ITPKB: variants seen among roughly 807,000 people sequenced by gnomAD.
ITPKB encodes the protein inositol-trisphosphate 3-kinase B.
ITPKB carries 13 observed loss-of-function variants against 69.4 expected under a neutral mutation model. That is an observed-to-expected ratio of 0.19 (90% confidence interval 0.12 to 0.30). The LOEUF (loss-of-function observed/expected upper bound fraction) is 0.30, where lower values mean the gene tolerates loss of function less well. Ranked by LOEUF, ITPKB falls within the 10% of genes least tolerant of loss-of-function variation. The pLI is 1.00. For missense variants in ITPKB, 1,240 were observed against 1,250.5 expected, an observed-to-expected ratio of 0.99 and a Z score of 0.13; for synonymous variants, 584 against 513.7, an observed-to-expected ratio of 1.14 and a Z score of -1.85.
intron 2 of ITPKB, among the ~76,000 whole-genome samples, chr1:226,683,216 ACACC>A (rs1656127018): frequency 2.0e-5 from 3 of 152,186 alleles, no homozygotes; most frequent in Non-Finnish European, 4.4e-5. Context: ...CAACTCTGCA[ACACC>A]TCCCCCTTCG....
intron 4 of ITPKB, among the ~76,000 whole-genome samples, chr1:226,645,867 G>C (rs1354513376): frequency 6.6e-6 from 1 of 152,226 alleles, no homozygotes; most frequent in Non-Finnish European, 1.5e-5. Flanking sequence ...AGTGGGGCCT[G>C]TGCTTCTCCA....
At chr1:226,667,827 TGTG>T (rs1295863983) in intron 2 of ITPKB, among the ~76,000 whole-genome samples, 1 of 32,236 alleles carries the variant, frequency 3.1e-5, no homozygotes, top group African/African-American at 1.1e-4. Context: ...ATGAGGAAAA[TGTG>T]TGTGTGTGTG....
intron 2 of ITPKB, among the ~76,000 whole-genome samples, chr1:226,714,438 C>G (rs559817099): frequency 3.9e-5 from 6 of 152,268 alleles, no homozygotes; most frequent in African/African-American, 1.2e-4. Context: ...TAACACAACA[C>G]CTTTGATTTG....
In ITPKB at chr1:226,632,198, A is replaced by G. The variant is rs1668742385; in HGVS notation, c.*2473T>C. On this transcript the variant is annotated 3_prime_UTR_variant, in exon 8 of 8. Coordinates refer to ENST00000429204, the MANE Select transcript of ITPKB (RefSeq NM_002221.4). Reference sequence around the variant, plus strand: ...TTCCGAGAATGCTAAGCAGTGCTGAATGCCAGGAACTCGTGGGGCCCCCCG... The same window carrying G: ...TTCCGAGAATGCTAAGCAGTGCTGAGTGCCAGGAACTCGTGGGGCCCCCCG... The G allele has an allele frequency of 6.6e-6, 1 of 152,654 alleles. No individual in the cohort carries two copies. Among genetic ancestry groups the G allele is most frequent in the Non-Finnish European group, 1.5e-5 (1 of 68,066 alleles). The allele number at this position is 152,654 out of a possible 1,614,324, so 9.5% of individuals were successfully genotyped here.
chr1:226,718,629 CAGAA>C (rs1008611352), intron 2 of ITPKB, among the ~76,000 whole-genome samples: 1 of 152,094 alleles, frequency 6.6e-6, no homozygotes, highest in Non-Finnish European at 1.5e-5. Context: ...AAACAAGACA[CAGAA>C]AGAACCTACA....
At chr1:226,686,298 T>C (rs1422710154) in intron 2 of ITPKB, among the ~76,000 whole-genome samples, 2 of 152,230 alleles carry the variant, frequency 1.3e-5, no homozygotes, top group Non-Finnish European at 2.9e-5. Context: ...CCAGTGGGCC[T>C]AATTTCATTC....
intron 2 of ITPKB, among the ~76,000 whole-genome samples, chr1:226,665,328 C>A (rs1177728503): frequency 6.6e-6 from 1 of 152,232 alleles, no homozygotes; most frequent in Non-Finnish European, 1.5e-5. Context: ...AAGACCTCCA[C>A]TGTAGTCTAC....
In ITPKB at chr1:226,736,374, C is replaced by G; in HGVS notation, c.1085G>C (p.Gly362Ala). 2 of 1,612,504 alleles carry G rather than the reference C, an allele frequency of 1.2e-6. No homozygotes were observed. The highest frequency in any genetic ancestry group is 1.7e-6 in the Non-Finnish European group (2 of 1,179,904). The stretch of plus-strand genomic sequence containing the variant: ...CCCAGGGGGTTCTCCATCGCGGGGC[C>G]CGCCCCTTTCTGGGGCTGGGCTTGT... ...SETSPAPERG[G>A]PRDGEPPGKM... is the part of the protein sequence containing the mutation. Residue 362 changes from glycine (G) to alanine (A), a missense_variant, in exon 2 of 8, where the codon GGG becomes GCG. Gly to Ala is a moderately conservative substitution (Grantham distance 60, BLOSUM62 0). Transcript: ENST00000429204.
At chr1:226,725,792 G>A (rs1412259526) in intron 2 of ITPKB, among the ~76,000 whole-genome samples, 1 of 152,218 alleles carries the variant, frequency 6.6e-6, no homozygotes, top group African/African-American at 2.4e-5. Flanking sequence ...GGTCACACAG[G>A]CAAGAGGAGA....
rs971386928 is a variant in ITPKB at position 226,665,248 on chromosome 1, C to T, written c.1933-16477G>A. On this transcript the variant is annotated intron_variant, in intron 2 of 7. Transcript: ENST00000429204. ...GTCCCGCTGACACAGGTCACCTGCC[C>T]GGCCCCTGGTGGCATTTGAGTTTGA... 5.3e-5 allele frequency among the ~76,000 whole-genome samples: 8 copies of T among 152,264 alleles called. No homozygotes were observed. In the South Asian group the frequency reaches 8.3e-4, roughly 16 times the overall value.
intron 2 of ITPKB, among the ~76,000 whole-genome samples, chr1:226,680,516 G>C (rs1177902447): frequency 6.6e-6 from 1 of 152,210 alleles, no homozygotes; most frequent in Non-Finnish European, 1.5e-5. Flanking sequence ...GATGTGAAGA[G>C]TCGGCTCTAA....
At chr1:226,693,013 T>A (rs1656393633) in intron 2 of ITPKB, among the ~76,000 whole-genome samples, 1 of 152,224 alleles carries the variant, frequency 6.6e-6, no homozygotes. Context: ...GATGAGCTGC[T>A]TCAAGTGTGA....
intron 2 of ITPKB, among the ~76,000 whole-genome samples, chr1:226,697,694 G>A (rs1656526393): frequency 6.6e-6 from 1 of 152,226 alleles, no homozygotes; most frequent in Admixed American, 6.5e-5. Context: ...AGCTAGAGAA[G>A]GGAGGCGATT....
At chr1:226,710,851 G>A (rs1022854180) in intron 2 of ITPKB, among the ~76,000 whole-genome samples, 1 of 152,214 alleles carries the variant, frequency 6.6e-6, no homozygotes, top group Non-Finnish European at 1.5e-5. Context: ...TGCCAGGGGT[G>A]GGGAGAAGGA....
At chr1:226,690,530 TC>T in intron 2 of ITPKB, among the ~76,000 whole-genome samples, 5 of 146,496 alleles carry the variant, frequency 3.4e-5, no homozygotes, top group Non-Finnish European at 1.5e-5. Context: ...AACTCACTCC[TC>T]CTACGTCAAG....
In ITPKB at chr1:226,737,201, G is replaced by A; in HGVS notation, c.258C>T (p.Ser86=). The stretch of plus-strand genomic sequence containing the variant: ...TGCCGCTGCTGCCGCTGCCACTGCC[G>A]CTGCTACTATTCAGCCTGCGCCGGC... ...RSGRRRLNSS[S]GSGSGSSGSS... is the part of the protein sequence containing the mutation. Residue 86 remains serine (S), a synonymous_variant, in exon 2 of 8, where the codon AGC becomes AGT. Transcript: ENST00000429204. 1 of 1,585,742 alleles carries A rather than the reference G, an allele frequency of 6.3e-7. No individual in the cohort carries two copies. Among genetic ancestry groups the A allele is most frequent in the Non-Finnish European group, 8.5e-7 (1 of 1,173,828 alleles).
chr1:226,711,356 GT>G lies in ITPKB; in HGVS notation c.1932+24170del, dbSNP rs559064804. ...CCAAGGTAAATAATTCCTTGCAGTG[GT>G]TCCTAACCAGATGCAGTACCTGCCT... On this transcript the variant is annotated intron_variant, in intron 2 of 7. Coordinates refer to ENST00000429204, the MANE Select transcript of ITPKB (RefSeq NM_002221.4). Among the ~76,000 whole-genome samples, 97 of 151,276 alleles carry G rather than the reference GT, an allele frequency of 6.4e-4. 2 individuals are homozygous for G. The East Asian group carries it at 0.016, about 25-fold the overall frequency.
intron 2 of ITPKB, among the ~76,000 whole-genome samples, chr1:226,654,664 G>A (rs1669255412): frequency 6.6e-6 from 1 of 152,214 alleles, no homozygotes; most frequent in South Asian, 2.1e-4. Context: ...CAGTGGGGCT[G>A]CCTGGGGAGG....
intron 2 of ITPKB, among the ~76,000 whole-genome samples, chr1:226,720,927 A>G (rs1422127148): frequency 6.6e-6 from 1 of 152,086 alleles, no homozygotes; most frequent in Admixed American, 6.6e-5. Context: ...CTGTAATCCC[A>G]GCTACTCAGG....
Sources: allele counts gnomAD v4.1 joint callset (sites outside exome capture counted in the v4.1 genomes callset), GRCh38; gene constraint gnomAD v4.1.1; transcripts MANE v1.5; gene names NCBI Gene and HGNC (gene_info 2026-07-23, HGNC 2026-07-21).